SNTG2: variants seen among roughly 807,000 people sequenced by gnomAD.
SNTG2 encodes the protein gamma-2-syntrophin.
SNTG2 carries 74 observed loss-of-function variants against 70.9 expected under a neutral mutation model. That is an observed-to-expected ratio of 1.04 (90% CI 0.86 to 1.27). SNTG2 has a LOEUF of 1.27. Ranked by LOEUF, SNTG2 falls within the 50% of genes most tolerant of loss-of-function variation. SNTG2 has a pLI of 0.00. For synonymous variants in SNTG2, 278 were observed against 273.8 expected, an observed-to-expected ratio of 1.02 and a Z score of -0.15; for missense variants, 717 against 690.7, an observed-to-expected ratio of 1.04 and a Z score of -0.43.
chr2:981,858 T>C (rs1436821847), intron 1 of SNTG2, among the ~76,000 whole-genome samples: 1 of 151,950 alleles, frequency 6.6e-6, no homozygotes, highest in Non-Finnish European at 1.5e-5. Flanking sequence ...AACACACACG[T>C]CCACACAGAT....
chr2:984,972 A>AC (rs5828799), intron 1 of SNTG2, among the ~76,000 whole-genome samples: 1 of 151,988 alleles, frequency 6.6e-6, no homozygotes. Context: ...TAGAAAAGAC[A>AC]GTTCTAGGCT....
chr2:1,270,688 C>T (rs1387534442), intron 14 of SNTG2, among the ~76,000 whole-genome samples: 2 of 152,208 alleles, frequency 1.3e-5, no homozygotes, highest in Non-Finnish European at 2.9e-5. Flanking sequence ...ATACTTCAAA[C>T]TCTCCGTAAA....
chr2:1,066,931 C>T (rs990413002), intron 1 of SNTG2, among the ~76,000 whole-genome samples: 1 of 152,144 alleles, frequency 6.6e-6, no homozygotes, highest in Admixed American at 6.5e-5. Context: ...TCAAAGCTCT[C>T]ATCTCCTCTG....
Position 1,180,718 on chromosome 2 carries a change from G to A in SNTG2, c.591+7535G>A, listed in dbSNP as rs527244853. 5.3e-5 allele frequency among the ~76,000 whole-genome samples: 8 copies of A among 151,470 alleles called. No homozygotes were observed. The South Asian group carries it at 6.3e-4, about 12-fold the overall frequency. ...TTTGACCCAGCCATCCCATTACTGGGTATATACCCAAAGGATTATAAATCA... is the reference window on the plus strand; with the variant it reads ...TTTGACCCAGCCATCCCATTACTGGATATATACCCAAAGGATTATAAATCA... On this transcript the variant is annotated intron_variant, in intron 8 of 16. Coordinates refer to ENST00000308624, the MANE Select transcript of SNTG2 (RefSeq NM_018968.4).
chr2:1,194,306 G>A lies in SNTG2; in HGVS notation c.592-14797G>A, dbSNP rs553425290. Among the ~76,000 whole-genome samples the A allele has an allele frequency of 2.6e-5, 4 of 152,302 alleles. No individual in the cohort carries two copies. The East Asian group carries it at 5.8e-4, about 22-fold the overall frequency. On this transcript the variant is annotated intron_variant, in intron 8 of 16. Coordinates refer to ENST00000308624, the MANE Select transcript of SNTG2 (RefSeq NM_018968.4). ...TGTCTTTCTCCGTGTCCTGCTGGATGCTGGGTTTTCCAGGTGTAGTTTACA... is the reference window on the plus strand; with the variant it reads ...TGTCTTTCTCCGTGTCCTGCTGGATACTGGGTTTTCCAGGTGTAGTTTACA...
At chr2:1,189,187 TATAA>T (rs1431926909) in intron 8 of SNTG2, among the ~76,000 whole-genome samples, 1 of 152,092 alleles carries the variant, frequency 6.6e-6, no homozygotes, top group African/African-American at 2.4e-5. Flanking sequence ...TATGTTAAAA[TATAA>T]ATAAAGTATA....
At chr2:1,182,154 G>A (rs924994276) in intron 8 of SNTG2, among the ~76,000 whole-genome samples, 5 of 152,090 alleles carry the variant, frequency 3.3e-5, no homozygotes, top group African/African-American at 1.2e-4. Context: ...TTCACTCAGT[G>A]TTCTGGGTTC....
At chr2:1,293,312 A>C (rs939520447) in intron 14 of SNTG2, among the ~76,000 whole-genome samples, 2 of 152,078 alleles carry the variant, frequency 1.3e-5, no homozygotes, top group Admixed American at 6.5e-5. Flanking sequence ...CAAGTTTTGC[A>C]TCCATTGATT....
intron 16 of SNTG2, among the ~76,000 whole-genome samples, chr2:1,352,816 A>T (rs1660655485): frequency 6.6e-6 from 1 of 152,180 alleles, no homozygotes; most frequent in South Asian, 2.1e-4. Context: ...TGTATCACCT[A>T]CATTTTATTT....
chr2:1,261,562 A>T (rs115145051), intron 13 of SNTG2, among the ~76,000 whole-genome samples: 430 of 152,342 alleles, frequency 2.8e-3, no homozygotes, highest in Non-Finnish European at 5.2e-3. Context: ...AGAAATGATA[A>T]ACAGCTTTCG....
intron 16 of SNTG2, among the ~76,000 whole-genome samples, chr2:1,366,866 C>T (rs34048144): frequency 0.035 from 5,327 of 152,172 alleles, 315 homozygotes; most frequent in African/African-American, 0.12. Context: ...GAAGCCCACA[C>T]GCACCCATAC....
intron 4 of SNTG2, among the ~76,000 whole-genome samples, chr2:1,099,273 G>A (rs562968040): frequency 1.3e-5 from 2 of 152,228 alleles, no homozygotes; most frequent in South Asian, 4.1e-4. Flanking sequence ...AGGCCTGCAG[G>A]GGAACAGGAA....
At chr2:1,256,914 C>T (rs1035731592) in intron 12 of SNTG2, among the ~76,000 whole-genome samples, 18 of 151,340 alleles carry the variant, frequency 1.2e-4, no homozygotes, top group South Asian at 2.1e-4. Flanking sequence ...TTAAGCCATG[C>T]GGTTCAGGTA....
At chr2:1,050,816 G>A (rs920800285) in intron 1 of SNTG2, among the ~76,000 whole-genome samples, 1 of 152,136 alleles carries the variant, frequency 6.6e-6, no homozygotes, top group African/African-American at 2.4e-5. Context: ...GATCTAGTCT[G>A]TAATTCATTT....
rs1293693803 is a variant in SNTG2, at chr2:1,284,946, T to C, written c.1284+17375T>C. 4.6e-5 allele frequency among the ~76,000 whole-genome samples: 7 copies of C among 151,374 alleles called. No individual in the cohort carries two copies. In the East Asian group the frequency reaches 1.4e-3, roughly 29 times the overall value. On this transcript the variant is annotated intron_variant, in intron 14 of 16. Transcript: ENST00000308624. Reference sequence around the variant, plus strand: ...CTATCTCATATTAGTTTTACAACTCTATATAAATATAAATATAACTATATA... The same window carrying C: ...CTATCTCATATTAGTTTTACAACTCCATATAAATATAAATATAACTATATA...
At chr2:1,367,134 C>G (rs564166581) in intron 16 of SNTG2, among the ~76,000 whole-genome samples, 1 of 152,280 alleles carries the variant, frequency 6.6e-6, no homozygotes, top group East Asian at 1.9e-4. Context: ...ATAAAAAATA[C>G]CCAGTATATT....
At chr2:1,005,965 G>C (rs1014139914) in intron 1 of SNTG2, among the ~76,000 whole-genome samples, 1 of 149,706 alleles carries the variant, frequency 6.7e-6, no homozygotes, top group Non-Finnish European at 1.5e-5. Context: ...TATGGAGGAA[G>C]CCAAGATAAA....
rs181726968 is a variant in SNTG2 at position 1,248,104 on chromosome 2, G to A, written c.1005+661G>A. Among the ~76,000 whole-genome samples the A allele has an allele frequency of 3.9e-4, 59 of 152,268 alleles. 1 individual carries two copies. In the East Asian group the frequency reaches 9.6e-3, roughly 25 times the overall value. On this transcript the variant is annotated intron_variant, in intron 12 of 16. Transcript: ENST00000308624. ...CCTACACGTTTTGGATGCATGTCAC[G>A]TGCAGTGTTCATGGGACTTTTTTCC... is the stretch of plus-strand genomic sequence containing the variant.
At chr2:1,261,636 T>C (rs1221057041) in intron 13 of SNTG2, among the ~76,000 whole-genome samples, 1 of 152,144 alleles carries the variant, frequency 6.6e-6, no homozygotes, top group African/African-American at 2.4e-5. Flanking sequence ...CACGGGTCCA[T>C]CCTCTCAACC....
Sources: gnomAD v4.1 joint callset for allele counts (sites outside exome capture counted in the v4.1 genomes callset) on GRCh38, gnomAD v4.1.1 for gene constraint, MANE v1.5 for transcripts, NCBI Gene and HGNC (gene_info 2026-07-23, HGNC 2026-07-21) for gene names.